Variants in RANBP2 observed in about 807,000 individuals in gnomAD.
The protein encoded by RANBP2 is E3 SUMO-protein ligase RanBP2.
In RANBP2, 57 loss-of-function variants were observed where a neutral mutation model predicts 303.6. The observed-to-expected ratio is 0.19, with a 90% CI of 0.15 to 0.23. The LOEUF (loss-of-function observed/expected upper bound fraction) is 0.23, where lower values mean the gene tolerates loss of function less well. RANBP2 is among the 10% of genes least tolerant of loss of function. The probability of loss-of-function intolerance (pLI) is 1.00; values close to 1 mark genes in which losing one functional copy is unlikely to be tolerated. For missense variants in RANBP2, 3,138 were observed against 3,780.8 expected, an observed-to-expected ratio of 0.83 and a Z score of 4.46; for synonymous variants, 1,167 against 1,301.5, an observed-to-expected ratio of 0.90 and a Z score of 2.23.
At chr2:109,679,884 G>A in the RANBP2 span, among the ~76,000 whole-genome samples, 41 of 152,292 alleles carry the variant, frequency 2.7e-4, no homozygotes, top group African/African-American at 4.6e-4. Context: ...AGAAATCAGT[G>A]GCTGACACTG....
the RANBP2 span, among the ~76,000 whole-genome samples, chr2:108,869,879 A>G: frequency 4.6e-5 from 7 of 152,206 alleles, no homozygotes; most frequent in African/African-American, 1.7e-4. Context: ...TCAGCAAAAA[A>G]AATCGTAGAA....
In RANBP2 at chr2:108,767,556, C is replaced by G; in HGVS notation, c.7017C>G (p.Leu2339=). 6.2e-7 allele frequency: 1 copy of G among 1,611,862 alleles called. No homozygotes were observed. The change falls in exon 20 of 29, where the codon CTC becomes CTG. Residue 2339 remains leucine (L), a synonymous_variant. Coordinates refer to ENST00000283195, the MANE Select transcript of RANBP2 (RefSeq NM_006267.5). ...TTGTTTTTAGTCACAGGGCAAAACT[C>G]TACAGATATGATAAAGATGTTGGTC... The part of the protein sequence containing the change: ...EQVVFSHRAK[L]YRYDKDVGQW...
At chr2:109,623,993 C>T in the RANBP2 span, among the ~76,000 whole-genome samples, 15 of 152,286 alleles carry the variant, frequency 9.8e-5, no homozygotes, top group South Asian at 2.7e-3. Context: ...TTTACAACAA[C>T]GTGATAGGTG....
the RANBP2 span, among the ~76,000 whole-genome samples, chr2:109,560,273 A>C: frequency 6.6e-6 from 1 of 152,088 alleles, no homozygotes; most frequent in African/African-American, 2.4e-5. Context: ...ATTCTCCAAG[A>C]ATTGTCAAGG....
chr2:109,643,938 T>A, the RANBP2 span, among the ~76,000 whole-genome samples: 1 of 151,350 alleles, frequency 6.6e-6, no homozygotes, highest in East Asian at 2.0e-4. Flanking sequence ...ATGACCAACA[T>A]GGTGAAACCC....
chr2:109,166,540 T>C, the RANBP2 span, among the ~76,000 whole-genome samples: 1 of 151,884 alleles, frequency 6.6e-6, no homozygotes, highest in African/African-American at 2.4e-5. Context: ...CTCTGCTCAA[T>C]GTCAGCCATG....
chr2:109,198,792 C>T, the RANBP2 span, among the ~76,000 whole-genome samples: 1 of 152,336 alleles, frequency 6.6e-6, no homozygotes, highest in South Asian at 2.1e-4. Context: ...GGAAGTACAG[C>T]CTTTGACATA....
At chr2:109,069,969 T>G in the RANBP2 span, among the ~76,000 whole-genome samples, 8 of 152,350 alleles carry the variant, frequency 5.3e-5, no homozygotes, top group African/African-American at 1.9e-4. Context: ...ATCAGTGTTC[T>G]CAAGGGAGGA....
chr2:109,284,958 C>A, the RANBP2 span, among the ~76,000 whole-genome samples: 1 of 152,222 alleles, frequency 6.6e-6, no homozygotes, highest in Non-Finnish European at 1.5e-5. Context: ...ACATTCTGGC[C>A]TTGTGCCATC....
the RANBP2 span, among the ~76,000 whole-genome samples, chr2:108,819,841 ACT>A: frequency 3.4e-5 from 5 of 148,522 alleles, no homozygotes; most frequent in African/African-American, 1.2e-4. Flanking sequence ...AGCTTCAGAA[ACT>A]CACCCTAAAG....
the RANBP2 span, among the ~76,000 whole-genome samples, chr2:109,491,207 T>A: frequency 6.6e-6 from 1 of 152,210 alleles, no homozygotes; most frequent in East Asian, 1.9e-4. Context: ...CAGGACCAAG[T>A]GTTTCTGAGT....
the RANBP2 span, among the ~76,000 whole-genome samples, chr2:109,305,737 A>G: frequency 0.31 from 47,322 of 152,200 alleles, 9,080 homozygotes; most frequent in African/African-American, 0.54. Flanking sequence ...GAGGACGCAC[A>G]TTCCAGGCAG....
chr2:109,124,065 C>T, the RANBP2 span, among the ~76,000 whole-genome samples: 1 of 151,946 alleles, frequency 6.6e-6, no homozygotes, highest in Non-Finnish European at 1.5e-5. Context: ...GGCTAGAGTA[C>T]GGTGGCACAA....
chr2:109,125,387 C>T, the RANBP2 span, among the ~76,000 whole-genome samples: 2 of 152,234 alleles, frequency 1.3e-5, no homozygotes, highest in East Asian at 1.9e-4. Flanking sequence ...CCGCCAAAAA[C>T]CTGACATACA....
chr2:108,786,835 G>C (rs145903783), downstream of RANBP2: 211 of 1,592,120 alleles, frequency 1.3e-4, no homozygotes, highest in Non-Finnish European at 1.7e-4. Context: ...GGAGCCGAGG[G>C]TCGTCAAGCC....
chr2:109,157,602 T>C, the RANBP2 span, among the ~76,000 whole-genome samples: 1 of 152,214 alleles, frequency 6.6e-6, no homozygotes, highest in East Asian at 1.9e-4. Context: ...AGATTGGAAC[T>C]TGGGCTTCCT....
At chr2:109,504,622 T>A in the RANBP2 span, 1 of 152,190 alleles carries the variant, frequency 6.6e-6, no homozygotes, top group Non-Finnish European at 1.5e-5. Flanking sequence ...TAAATAAAAA[T>A]GAACATGGAG....
chr2:109,065,123 T>G, the RANBP2 span, among the ~76,000 whole-genome samples: 3 of 152,230 alleles, frequency 2.0e-5, no homozygotes, highest in Middle Eastern at 6.8e-3. Context: ...CAAAGCAAAC[T>G]AGCAAATACT....
chr2:108,736,995 TCTC>T (rs1299935090), intron 6 of RANBP2, among the ~76,000 whole-genome samples: 2 of 139,714 alleles, frequency 1.4e-5, no homozygotes, highest in East Asian at 2.0e-4. Flanking sequence ...AGATTAGTAT[TCTC>T]CTCCTTTTTG....
Sources: allele counts gnomAD v4.1 joint callset (sites outside exome capture counted in the v4.1 genomes callset), GRCh38; gene constraint gnomAD v4.1.1; transcripts MANE v1.5; gene names NCBI Gene and HGNC (gene_info 2026-07-23, HGNC 2026-07-21).